The following TAFA1 variants were observed in gnomAD, a reference collection of about 807,000 sequenced individuals.
The protein encoded by TAFA1 is TAFA chemokine like family member 1, also known as chemokine-like protein TAFA-1.
TAFA1 carries 4 observed loss-of-function variants against 18.5 expected under a neutral mutation model. The ratio of observed to expected loss-of-function variants is 0.22; its 90% CI spans 0.11 to 0.49. The LOEUF (loss-of-function observed/expected upper bound fraction) is 0.49. TAFA1 is among the 20% of genes least tolerant of loss of function. The pLI is 0.98. For synonymous variants in TAFA1, 56 were observed against 55.2 expected (o/e 1.01, Z -0.06); for missense variants, 147 against 169.0 (o/e 0.87, Z 0.72).
chr3:68,487,593 GA>G (rs988265538), intron 3 of TAFA1, among the ~76,000 whole-genome samples: 2 of 150,292 alleles, frequency 1.3e-5, no homozygotes, highest in African/African-American at 2.4e-5. Context: ...TAAAAATACA[GA>G]AAAAAAAATT....
chr3:68,364,149 G>C (rs184767957), intron 2 of TAFA1, among the ~76,000 whole-genome samples: 1 of 152,282 alleles, frequency 6.6e-6, no homozygotes, highest in African/African-American at 2.4e-5. Flanking sequence ...GTAAGTGAAG[G>C]CCTTGTTGCT....
At chr3:68,145,869 G>A (rs928012091) in intron 2 of TAFA1, among the ~76,000 whole-genome samples, 14 of 152,088 alleles carry the variant, frequency 9.2e-5, no homozygotes, top group Admixed American at 4.6e-4. Context: ...CAAAATTGAC[G>A]TAAAAAGCCT....
chr3:68,265,021 G>T lies in TAFA1; in HGVS notation c.119-152259G>T, dbSNP rs1397740250. On this transcript the variant is annotated intron_variant, in intron 2 of 4. Transcript: ENST00000478136. ...TTATGTGAAAATGTATGCAAAAATT[G>T]TGGCTTTTAATATATGAAATTTAAA... is the stretch of plus-strand genomic sequence containing the variant. 2.6e-5 allele frequency among the ~76,000 whole-genome samples: 4 copies of T among 152,180 alleles called. No homozygotes were observed. The East Asian group carries it at 7.7e-4, about 29-fold the overall frequency.
intron 2 of TAFA1, among the ~76,000 whole-genome samples, chr3:68,323,847 G>A (rs2068731379): frequency 6.6e-6 from 1 of 152,140 alleles, no homozygotes; most frequent in Non-Finnish European, 1.5e-5. Context: ...TTTATGTTGT[G>A]TTCCACGTTG....
At chr3:68,442,501 G>C (rs931201672) in intron 3 of TAFA1, among the ~76,000 whole-genome samples, 1 of 152,098 alleles carries the variant, frequency 6.6e-6, no homozygotes, top group Non-Finnish European at 1.5e-5. Context: ...TTAAGTTTTA[G>C]CATGAGTTTT....
At chr3:68,201,413 T>A (rs961324912) in intron 2 of TAFA1, among the ~76,000 whole-genome samples, 11 of 151,728 alleles carry the variant, frequency 7.2e-5, no homozygotes, top group Admixed American at 5.9e-4. Context: ...GTGGTGGTGG[T>A]GAATTCAACT....
chr3:68,043,400 C>T (rs768158014), intron 2 of TAFA1, among the ~76,000 whole-genome samples: 1 of 152,084 alleles, frequency 6.6e-6, no homozygotes, highest in Non-Finnish European at 1.5e-5. Context: ...CCCTGAGCCT[C>T]TGAGTTTTTC....
intron 3 of TAFA1, among the ~76,000 whole-genome samples, chr3:68,454,628 C>T (rs1247641000): frequency 1.3e-5 from 2 of 152,138 alleles, no homozygotes; most frequent in East Asian, 3.9e-4. Flanking sequence ...CTCTTAGTGA[C>T]AAGTTTTTGT....
chr3:68,239,567 G>C (rs1338424213), intron 2 of TAFA1, among the ~76,000 whole-genome samples: 1 of 152,104 alleles, frequency 6.6e-6, no homozygotes, highest in African/African-American at 2.4e-5. Context: ...CAGTCACCAT[G>C]ATGATGATAT....
chr3:68,360,773 C>T (rs1391823653), intron 2 of TAFA1, among the ~76,000 whole-genome samples: 1 of 151,902 alleles, frequency 6.6e-6, no homozygotes, highest in African/African-American at 2.4e-5. Flanking sequence ...TATGCAGAAA[C>T]AAAATCACTG....
chr3:68,374,672 G>T (rs916298363), intron 2 of TAFA1, among the ~76,000 whole-genome samples: 1 of 152,020 alleles, frequency 6.6e-6, no homozygotes, highest in South Asian at 2.1e-4. Flanking sequence ...TCTAAAAACC[G>T]CAATGCTGTG....
chr3:68,178,162 T>A (rs1160864037), intron 2 of TAFA1, among the ~76,000 whole-genome samples: 1 of 149,252 alleles, frequency 6.7e-6, no homozygotes, highest in African/African-American at 2.4e-5. Context: ...CAAAAAAAAA[T>A]ACATGACCCT....
intron 3 of TAFA1, among the ~76,000 whole-genome samples, chr3:68,434,105 GA>G (rs1302434499): frequency 2.0e-5 from 3 of 152,142 alleles, no homozygotes; most frequent in Non-Finnish European, 2.9e-5. Flanking sequence ...TAATGTTATA[GA>G]GGCTACAATA....
chr3:68,389,812 G>A (rs1349595597), intron 2 of TAFA1, among the ~76,000 whole-genome samples: 2 of 152,112 alleles, frequency 1.3e-5, no homozygotes, highest in Admixed American at 6.6e-5. Flanking sequence ...TGTGCTGTGC[G>A]GGATGGTGCT....
chr3:68,296,477 G>T (rs2068209731), intron 2 of TAFA1, among the ~76,000 whole-genome samples: 1 of 151,930 alleles, frequency 6.6e-6, no homozygotes, highest in African/African-American at 2.4e-5. Flanking sequence ...ATGCTAAGCA[G>T]CCACAGAAAG....
chr3:68,256,772 T>C (rs1050161542), intron 2 of TAFA1, among the ~76,000 whole-genome samples: 10 of 152,168 alleles, frequency 6.6e-5, no homozygotes, highest in African/African-American at 2.2e-4. Flanking sequence ...TTGGAGGAAA[T>C]TTGATACATG....
intron 2 of TAFA1, among the ~76,000 whole-genome samples, chr3:68,095,212 C>A (rs1334679605): frequency 1.3e-5 from 2 of 152,114 alleles, no homozygotes; most frequent in Admixed American, 1.3e-4. Flanking sequence ...CTGCCACTTA[C>A]AAGTTCTCTC....
At chr3:68,198,327 T>C (rs2066435321) in intron 2 of TAFA1, among the ~76,000 whole-genome samples, 2 of 151,722 alleles carry the variant, frequency 1.3e-5, no homozygotes, top group Admixed American at 6.6e-5. Flanking sequence ...ATAAAATTAC[T>C]GTAAATGTGT....
chr3:68,147,555 C>T (rs188283900), intron 2 of TAFA1, among the ~76,000 whole-genome samples: 1 of 152,220 alleles, frequency 6.6e-6, no homozygotes, highest in Admixed American at 6.5e-5. Flanking sequence ...GTGGCCCCAC[C>T]TGATTGACCA....
Sources: gnomAD v4.1 joint callset for allele counts (sites outside exome capture counted in the v4.1 genomes callset) on GRCh38, gnomAD v4.1.1 for gene constraint, MANE v1.5 for transcripts, NCBI Gene and HGNC (gene_info 2026-07-23, HGNC 2026-07-21) for gene names.